Variants in ROR2 observed in about 807,000 individuals in gnomAD.
The protein encoded by ROR2 is ROR family WNT receptor 2.
Under a neutral mutation model 74.9 loss-of-function variants are expected in ROR2, and 33 were observed. That is an observed-to-expected ratio of 0.44 (90% CI 0.33 to 0.59). The LOEUF is 0.59. Ranked by LOEUF, ROR2 falls within the 20% of genes least tolerant of loss-of-function variation. The pLI is 0.02. For synonymous variants in ROR2, 586 were observed against 558.7 expected (o/e 1.05, Z -0.69); for missense variants, 1,216 against 1,313.8 (o/e 0.93, Z 1.15).
At chr9:91,920,499 C>T (rs930113108) in intron 1 of ROR2, among the ~76,000 whole-genome samples, 12 of 152,158 alleles carry the variant, frequency 7.9e-5, no homozygotes, top group Non-Finnish European at 1.8e-4. Context: ...GAACCAGACC[C>T]TGTCTGGAAA....
At chr9:91,833,281 G>GA (rs1828520553) in intron 1 of ROR2, among the ~76,000 whole-genome samples, 1 of 152,074 alleles carries the variant, frequency 6.6e-6, no homozygotes, top group Non-Finnish European at 1.5e-5. Context: ...ATCCACGCTG[G>GA]GCTCCAGCGT....
At chr9:91,774,629 C>T (rs2118928327) in intron 2 of ROR2, among the ~76,000 whole-genome samples, 1 of 152,266 alleles carries the variant, frequency 6.6e-6, no homozygotes, top group East Asian at 1.9e-4. Flanking sequence ...TCAGGTGCTG[C>T]AGCCAAGGAG....
intron 1 of ROR2, among the ~76,000 whole-genome samples, chr9:91,852,474 G>C (rs533674727): frequency 2.0e-5 from 3 of 152,314 alleles, no homozygotes; most frequent in African/African-American, 7.2e-5. Flanking sequence ...ATCCCAGATG[G>C]TGGAGGGAGC....
intron 1 of ROR2, among the ~76,000 whole-genome samples, chr9:91,825,148 A>G (rs1441069996): frequency 6.6e-6 from 1 of 152,234 alleles, no homozygotes; most frequent in Admixed American, 6.5e-5. Context: ...TCTGTAACAC[A>G]CAGAAGCCCT....
chr9:91,856,193 C>T (rs931880413), intron 1 of ROR2, among the ~76,000 whole-genome samples: 2 of 152,112 alleles, frequency 1.3e-5, no homozygotes, highest in African/African-American at 4.8e-5. Flanking sequence ...CCTGTCTCCA[C>T]GAACAAAGTA....
intron 1 of ROR2, among the ~76,000 whole-genome samples, chr9:91,939,435 T>G (rs1172598405): frequency 6.6e-6 from 1 of 152,198 alleles, no homozygotes; most frequent in East Asian, 1.9e-4. Context: ...ATCTGCATTT[T>G]CTTGAATCCT....
At chr9:91,756,179 G>A (rs1472423553) in intron 3 of ROR2, 78 bp from the exon 4 acceptor site, 1 of 1,458,948 alleles carries the variant, frequency 6.9e-7, no homozygotes, top group African/African-American at 1.4e-5. Context: ...CAGGCCAGTG[G>A]CAAACAGGCT....
At chr9:91,837,906 T>G (rs2119206325) in intron 1 of ROR2, among the ~76,000 whole-genome samples, 1 of 152,250 alleles carries the variant, frequency 6.6e-6, no homozygotes, top group South Asian at 2.1e-4. Context: ...GTGGAACACA[T>G]AAAAGAAAAA....
Position 91,724,824 on chromosome 9 carries a change from G to A in ROR2, c.1670C>T (p.Ser557Leu), listed in dbSNP as rs56099091. 1,633 of 1,606,760 alleles carry A rather than the reference G, an allele frequency of 1.0e-3. 1 individual carries two copies. The highest frequency in any genetic ancestry group is 1.2e-3 in the Non-Finnish European group (1,433 of 1,175,194). Residue 557 changes from serine (S) to leucine (L), a missense_variant, in exon 9 of 9, where the codon TCG (serine) becomes TTG (leucine). By Grantham distance (145) the Ser-to-Leu change is moderately radical. Coordinates refer to ENST00000375708, the MANE Select transcript of ROR2 (RefSeq NM_004560.4). ...CAGGAATTCGTGGAGGTCGCCGTGC[G>A]AACAGTAGCTGAAGATCATGCTCAG... The part of the protein sequence containing the change: ...QPLSMIFSYC[S>L]HGDLHEFLVM...
chr9:91,800,354 AAG>A (rs1554763426), intron 1 of ROR2, among the ~76,000 whole-genome samples: 2 of 149,314 alleles, frequency 1.3e-5, no homozygotes, highest in Non-Finnish European at 2.9e-5. Flanking sequence ...AAAAAAAAAA[AAG>A]AGAGAGAGAG....
chr9:91,749,664 A>G (rs1276961479), intron 4 of ROR2, among the ~76,000 whole-genome samples: 1 of 152,214 alleles, frequency 6.6e-6, no homozygotes, highest in East Asian at 1.9e-4. Context: ...AAAACAGCCT[A>G]TAAGCAGACC....
chr9:91,904,099 G>A (rs1017858156), intron 1 of ROR2, among the ~76,000 whole-genome samples: 1 of 151,580 alleles, frequency 6.6e-6, no homozygotes, highest in Non-Finnish European at 1.5e-5. Flanking sequence ...GGAGTACAGT[G>A]GTAGGATCTC....
intron 1 of ROR2, among the ~76,000 whole-genome samples, chr9:91,830,808 C>CTGTGTG (rs1563987406): frequency 1.1e-5 from 1 of 87,934 alleles, no homozygotes; most frequent in Non-Finnish European, 2.3e-5. Flanking sequence ...ATAACTGTGT[C>CTGTGTG]CGTGTGTGTG....
At chr9:91,818,303 T>G (rs1283234863) in intron 1 of ROR2, among the ~76,000 whole-genome samples, 1 of 152,196 alleles carries the variant, frequency 6.6e-6, no homozygotes, top group Admixed American at 6.5e-5. Flanking sequence ...CTAAATGTCT[T>G]TCATTCAGGG....
intron 1 of ROR2, among the ~76,000 whole-genome samples, chr9:91,799,238 C>A (rs1564284019): frequency 6.6e-6 from 1 of 152,262 alleles, no homozygotes; most frequent in East Asian, 1.9e-4. Flanking sequence ...GGGGACACTG[C>A]CAAAGCCGAA....
At chr9:91,798,839 T>C (rs988234337) in intron 1 of ROR2, among the ~76,000 whole-genome samples, 2 of 152,174 alleles carry the variant, frequency 1.3e-5, no homozygotes, top group African/African-American at 4.8e-5. Context: ...CTTTCTATTG[T>C]GACTCAGTTC....
chr9:91,819,305 G>C (rs922478961), intron 1 of ROR2, among the ~76,000 whole-genome samples: 5 of 152,240 alleles, frequency 3.3e-5, no homozygotes, highest in African/African-American at 1.2e-4. Context: ...TCGCTGCACA[G>C]AGAGGGTCCT....
intron 1 of ROR2, among the ~76,000 whole-genome samples, chr9:91,900,426 G>A (rs1051585839): frequency 2.6e-5 from 4 of 152,246 alleles, no homozygotes; most frequent in African/African-American, 4.8e-5. Context: ...GAACGGTGGC[G>A]GCGCGGGGCA....
chr9:91,836,491 G>A (rs1828614268), intron 1 of ROR2, among the ~76,000 whole-genome samples: 1 of 149,026 alleles, frequency 6.7e-6, no homozygotes, highest in African/African-American at 2.5e-5. Context: ...AGTAAGCCAA[G>A]ATCGCACCAC....
Sources: gnomAD v4.1 joint callset for allele counts (sites outside exome capture counted in the v4.1 genomes callset) on GRCh38, gnomAD v4.1.1 for gene constraint, MANE v1.5 for transcripts, NCBI Gene and HGNC (gene_info 2026-07-23, HGNC 2026-07-21) for gene names.